EXT1: variants seen among roughly 807,000 people sequenced by gnomAD.
The protein encoded by EXT1 is exostosin-1.
EXT1 carries 20 observed loss-of-function variants against 82.5 expected under a neutral mutation model. The ratio of observed to expected loss-of-function variants is 0.24; its 90% CI spans 0.17 to 0.35. The LOEUF (loss-of-function observed/expected upper bound fraction) is 0.35, where lower values mean the gene tolerates loss of function less well. Among genes scored for constraint, EXT1 ranks in the 10% least tolerant of loss-of-function variants. EXT1 has a pLI of 1.00. For synonymous variants in EXT1, 348 were observed against 350.8 expected (o/e 0.99, Z 0.09); for missense variants, 757 against 936.5 (o/e 0.81, Z 2.50).
At chr8:117,961,422 T>C (rs1195354326) in intron 1 of EXT1, among the ~76,000 whole-genome samples, 1 of 152,216 alleles carries the variant, frequency 6.6e-6, no homozygotes. Flanking sequence ...TTCTTTGATA[T>C]TGATCATTGG....
intron 1 of EXT1, among the ~76,000 whole-genome samples, chr8:118,060,634 T>TCA (rs748664802): frequency 4.6e-5 from 7 of 152,250 alleles, no homozygotes; most frequent in Non-Finnish European, 7.4e-5. Flanking sequence ...GTAAGGGCCA[T>TCA]TTACATTTGG....
chr8:118,043,762 T>C (rs910511728), intron 1 of EXT1, among the ~76,000 whole-genome samples: 2 of 152,214 alleles, frequency 1.3e-5, no homozygotes, highest in East Asian at 1.9e-4. Context: ...GTGCTTGTTA[T>C]GTTTTATTTC....
intron 1 of EXT1, among the ~76,000 whole-genome samples, chr8:117,886,789 T>A (rs572366258): frequency 6.6e-5 from 10 of 152,364 alleles, no homozygotes; most frequent in African/African-American, 2.4e-4. Context: ...GGTTTCTACC[T>A]GCTATGAAGT....
chr8:117,937,508 C>T (rs1586296431), intron 1 of EXT1, among the ~76,000 whole-genome samples: 1 of 152,336 alleles, frequency 6.6e-6, no homozygotes, highest in South Asian at 2.1e-4. Flanking sequence ...CATCCTGCCC[C>T]CTCCCTGTTG....
At chr8:117,919,616 C>T (rs1028781708) in intron 1 of EXT1, among the ~76,000 whole-genome samples, 2 of 151,854 alleles carry the variant, frequency 1.3e-5, no homozygotes, top group Non-Finnish European at 2.9e-5. Flanking sequence ...GCAATCATCC[C>T]GCCTCACCCT....
At chr8:117,801,001 T>C (rs1002793714) in intron 10 of EXT1, among the ~76,000 whole-genome samples, 1 of 152,262 alleles carries the variant, frequency 6.6e-6, no homozygotes, top group Admixed American at 6.5e-5. Context: ...AAGTCTTTAA[T>C]GATGTATATG....
chr8:117,816,924 CTG>C (rs1385773994), intron 7 of EXT1, among the ~76,000 whole-genome samples: 1 of 152,150 alleles, frequency 6.6e-6, no homozygotes, highest in East Asian at 1.9e-4. Flanking sequence ...CTGCCTGCCT[CTG>C]AGTACTGTTC....
intron 1 of EXT1, among the ~76,000 whole-genome samples, chr8:118,080,085 A>G (rs1253091612): frequency 6.6e-6 from 1 of 152,216 alleles, no homozygotes; most frequent in African/African-American, 2.4e-5. Flanking sequence ...TTCACAATGC[A>G]ACAGGGATTT....
chr8:117,966,623 C>T (rs1192882372), intron 1 of EXT1, among the ~76,000 whole-genome samples: 1 of 152,118 alleles, frequency 6.6e-6, no homozygotes, highest in Non-Finnish European at 1.5e-5. Flanking sequence ...CCTTTCTTTC[C>T]CGAGGGATTT....
At chr8:118,101,210 G>A (rs1817713527) in intron 1 of EXT1, among the ~76,000 whole-genome samples, 1 of 152,130 alleles carries the variant, frequency 6.6e-6, no homozygotes, top group Non-Finnish European at 1.5e-5. Context: ...ATTTCCAGAT[G>A]TGGAAACTGA....
At chr8:117,842,395 A>C (rs904289458) in intron 1 of EXT1, among the ~76,000 whole-genome samples, 1 of 152,232 alleles carries the variant, frequency 6.6e-6, no homozygotes, top group African/African-American at 2.4e-5. Context: ...ATAACAGAAC[A>C]TAATGGAAAA....
intron 1 of EXT1, among the ~76,000 whole-genome samples, chr8:117,892,304 C>T (rs1664564933): frequency 6.6e-6 from 1 of 152,214 alleles, no homozygotes; most frequent in African/African-American, 2.4e-5. Flanking sequence ...TCACCTAGGA[C>T]AATGCCCAAA....
intron 1 of EXT1, among the ~76,000 whole-genome samples, chr8:117,912,843 G>A (rs955487303): frequency 1.3e-5 from 2 of 152,166 alleles, no homozygotes; most frequent in Non-Finnish European, 2.9e-5. Context: ...GAAACCATGA[G>A]CTAGGTTCCA....
chr8:117,922,428 G>A (rs892839050), intron 1 of EXT1, among the ~76,000 whole-genome samples: 3 of 152,152 alleles, frequency 2.0e-5, no homozygotes, highest in Admixed American at 1.3e-4. Context: ...AAGTTGTTGC[G>A]TTACTAGAGT....
In EXT1 at chr8:118,087,939, C is replaced by CAA. The variant is rs10706033; in HGVS notation, c.962+22144_962+22145dup. 2.0e-3 allele frequency among the ~76,000 whole-genome samples: 171 copies of CAA among 83,864 alleles called. 1 individual carries two copies. Among genetic ancestry groups the CAA allele is most frequent in the South Asian group, 0.014 (34 of 2,510 alleles). 55.0% of individuals were successfully genotyped at this position (83,864 alleles called of 152,430 possible). On this transcript the variant is annotated intron_variant, in intron 1 of 10. Transcript: ENST00000378204. ...CCTATTTGTTTTATTCGTTTCAGGG[C>CAA]AAAAAAAAAAAAAAAAAAAAATCCT... is the stretch of plus-strand genomic sequence containing the variant.
At chr8:118,039,557 C>CAAAAAAAAA in intron 1 of EXT1, among the ~76,000 whole-genome samples, 1 of 82,046 alleles carries the variant, frequency 1.2e-5, no homozygotes, top group Non-Finnish European at 2.4e-5. Flanking sequence ...GACTCCGTCA[C>CAAAAAAAAA]AAAAAAAAAA....
chr8:117,985,660 T>TA (rs60966418), intron 1 of EXT1, among the ~76,000 whole-genome samples: 17 of 148,756 alleles, frequency 1.1e-4, no homozygotes, highest in South Asian at 4.2e-4. Flanking sequence ...CAAAAAAGCT[T>TA]AAAAAAAAAA....
rs112075869 is a variant in EXT1, at chr8:118,057,392, T to A, written c.962+52693A>T. 1.7e-4 allele frequency among the ~76,000 whole-genome samples: 25 copies of A among 151,200 alleles called. 1 individual carries two copies. The highest frequency in any genetic ancestry group is 3.0e-4 in the Non-Finnish European group (20 of 67,764). The stretch of plus-strand genomic sequence containing the variant: ...CCAACTCTACTAAAAATACAAAAAA[T>A]TAGCCGGGTGTGATGGCTGATGCCA... On this transcript the variant is annotated intron_variant, in intron 1 of 10. Transcript: ENST00000378204.
At chr8:118,041,724 G>C (rs1312994863) in intron 1 of EXT1, among the ~76,000 whole-genome samples, 1 of 121,700 alleles carries the variant, frequency 8.2e-6, no homozygotes, top group Non-Finnish European at 1.8e-5. Context: ...GAAGGAAAAA[G>C]AAAAGGGAGG....
Sources: allele counts gnomAD v4.1 joint callset (sites outside exome capture counted in the v4.1 genomes callset), GRCh38; gene constraint gnomAD v4.1.1; transcripts MANE v1.5; gene names NCBI Gene and HGNC (gene_info 2026-07-23, HGNC 2026-07-21).